Variants in SLC35F4 observed in about 807,000 individuals in gnomAD.
The protein encoded by SLC35F4 is solute carrier family 35 member F4, also known as chromosome 14 open reading frame 36.
Under a neutral mutation model 44.2 loss-of-function variants are expected in SLC35F4, and 24 were observed. The ratio of observed to expected loss-of-function variants is 0.54; its 90% CI spans 0.39 to 0.76. The LOEUF (loss-of-function observed/expected upper bound fraction) is 0.76, where lower values mean the gene tolerates loss of function less well. Ranked by LOEUF, SLC35F4 falls within the 30% of genes least tolerant of loss-of-function variation. SLC35F4 has a pLI of 0.00. For missense variants in SLC35F4, 562 were observed against 586.1 expected, an observed-to-expected ratio of 0.96 and a Z score of 0.42; for synonymous variants, 238 against 223.6, an observed-to-expected ratio of 1.06 and a Z score of -0.57.
intron 6 of SLC35F4, among the ~76,000 whole-genome samples, chr14:57,568,318 A>G (rs918484737): frequency 5.3e-5 from 8 of 152,216 alleles, no homozygotes; most frequent in African/African-American, 1.2e-4. Flanking sequence ...CAAGGAGTAT[A>G]TGTTGGTGGA....
intron 1 of SLC35F4, among the ~76,000 whole-genome samples, chr14:57,771,902 T>C (rs1379501022): frequency 6.6e-6 from 1 of 150,920 alleles, no homozygotes; most frequent in South Asian, 2.1e-4. Context: ...TCTGAATACT[T>C]TTTTTTTTAA....
chr14:57,924,697 T>C (rs1284065204), intron 1 of SLC35F4, among the ~76,000 whole-genome samples: 1 of 152,150 alleles, frequency 6.6e-6, no homozygotes, highest in African/African-American at 2.4e-5. Flanking sequence ...TCTGCCCGCC[T>C]CAGCCTCCCA....
chr14:57,600,215 C>T (rs1471236546), intron 1 of SLC35F4, among the ~76,000 whole-genome samples: 4 of 152,130 alleles, frequency 2.6e-5, no homozygotes, highest in Non-Finnish European at 5.9e-5. Context: ...AAAACTAGCG[C>T]TATTTTCAAC....
intron 3 of SLC35F4, among the ~76,000 whole-genome samples, chr14:57,582,973 G>A (rs7155581): frequency 0.12 from 18,582 of 152,118 alleles, 1,405 homozygotes; most frequent in East Asian, 0.41. Context: ...GCAGGTCACC[G>A]GTTCCAGGAA....
chr14:57,858,918 G>A (rs1887406314), intron 1 of SLC35F4, among the ~76,000 whole-genome samples: 1 of 144,992 alleles, frequency 6.9e-6, no homozygotes, highest in African/African-American at 2.6e-5. Context: ...GGGCAACATA[G>A]CAAAACCTGA....
At chr14:57,711,538 C>A (rs551622849) in intron 1 of SLC35F4, among the ~76,000 whole-genome samples, 16 of 152,236 alleles carry the variant, frequency 1.1e-4, no homozygotes, top group Middle Eastern at 3.4e-3. Flanking sequence ...TTTGGCCCAA[C>A]CTAATAGCAA....
intron 1 of SLC35F4, among the ~76,000 whole-genome samples, chr14:57,851,785 C>T (rs1956691): frequency 0.28 from 42,161 of 152,068 alleles, 9,571 homozygotes; most frequent in African/African-American, 0.63. Flanking sequence ...TTAATTATAA[C>T]GCACCAGTGT....
At chr14:57,814,796 A>G (rs773404196) in intron 1 of SLC35F4, among the ~76,000 whole-genome samples, 1 of 152,232 alleles carries the variant, frequency 6.6e-6, no homozygotes, top group Non-Finnish European at 1.5e-5. Flanking sequence ...GCAGAATGTG[A>G]TGCAGCGAAC....
intron 1 of SLC35F4, among the ~76,000 whole-genome samples, chr14:57,920,674 T>A (rs1889423994): frequency 6.6e-6 from 1 of 152,200 alleles, no homozygotes; most frequent in Non-Finnish European, 1.5e-5. Context: ...TTTCTCCCCC[T>A]AACTAATGAG....
chr14:57,865,695 C>A (rs1042781452), intron 1 of SLC35F4, 28 bp downstream of exon 1: 43 of 1,505,212 alleles, frequency 2.9e-5, no homozygotes, highest in Admixed American at 4.2e-5. Context: ...TTCCCCGCCT[C>A]GCGCAGGGCA....
rs142756349 is a variant in SLC35F4 at position 57,980,856 on chromosome 14, T to C, written n.151+1057A>G. Among the ~76,000 whole-genome samples, 789 of 152,358 alleles carry C rather than the reference T, an allele frequency of 5.2e-3. 4 individuals carry two copies. Among genetic ancestry groups the C allele is most frequent in the African/African-American group, 0.018 (753 of 41,576 alleles). ...CTACATGTGGCTAGTGGCTATCATA[T>C]TGGACCATCCAGATATAGAATACTT... is the stretch of plus-strand genomic sequence containing the variant. On this transcript the variant is annotated intron_variant and non_coding_transcript_variant, in intron 1 of 1. Transcript: ENST00000554648.
Position 57,620,066 on chromosome 14 carries a change from T to C in SLC35F4, c.104-25942A>G, listed in dbSNP as rs899600027. 7.2e-5 allele frequency among the ~76,000 whole-genome samples: 11 copies of C among 152,288 alleles called. No homozygotes were observed. In the East Asian group the frequency reaches 1.9e-3, roughly 27 times the overall value. ...GTGAAAAGACCAAATGTGTGTTTGA[T>C]TGGTGTACCTGAAAGTTACGGGGAG... On this transcript the variant is annotated intron_variant, in intron 1 of 7. Transcript: ENST00000556826.
At chr14:57,715,015 A>G (rs1183275845) in intron 1 of SLC35F4, among the ~76,000 whole-genome samples, 1 of 152,198 alleles carries the variant, frequency 6.6e-6, no homozygotes, top group Non-Finnish European at 1.5e-5. Context: ...ACTGAGTAGA[A>G]GGAGCTCTTC....
intron 1 of SLC35F4, among the ~76,000 whole-genome samples, chr14:57,738,314 C>T (rs576835167): frequency 6.6e-6 from 1 of 152,134 alleles, no homozygotes; most frequent in Non-Finnish European, 1.5e-5. Context: ...GAAGAGAAAT[C>T]GCCAATATTA....
chr14:57,674,139 A>C (rs377097326), intron 1 of SLC35F4, among the ~76,000 whole-genome samples: 1 of 152,100 alleles, frequency 6.6e-6, no homozygotes, highest in Admixed American at 6.6e-5. Flanking sequence ...GATTAGAGAA[A>C]TGCAAATTAA....
At chr14:57,601,662 T>C (rs2070833098) in intron 1 of SLC35F4, among the ~76,000 whole-genome samples, 1 of 152,240 alleles carries the variant, frequency 6.6e-6, no homozygotes, top group African/African-American at 2.4e-5. Flanking sequence ...ATAAACATCT[T>C]ATCCCTAAAA....
chr14:57,769,336 T>G (rs916409760), intron 1 of SLC35F4, among the ~76,000 whole-genome samples: 1 of 152,096 alleles, frequency 6.6e-6, no homozygotes, highest in Admixed American at 6.5e-5. Context: ...AGACCTAACG[T>G]GCATGTTTTC....
At chr14:57,712,370 C>T (rs538080724) in intron 1 of SLC35F4, among the ~76,000 whole-genome samples, 118 of 152,328 alleles carry the variant, frequency 7.7e-4, no homozygotes, top group African/African-American at 2.8e-3. Context: ...CACTTTGCTT[C>T]TATCTGGTTT....
chr14:57,644,218 G>C (rs924402968), intron 1 of SLC35F4, among the ~76,000 whole-genome samples: 5 of 152,134 alleles, frequency 3.3e-5, no homozygotes, highest in African/African-American at 1.2e-4. Context: ...GGTTGAACTA[G>C]TTTACAGTCC....
Sources: gnomAD v4.1 joint callset for allele counts (sites outside exome capture counted in the v4.1 genomes callset) on GRCh38, gnomAD v4.1.1 for gene constraint, MANE v1.5 for transcripts, NCBI Gene and HGNC (gene_info 2026-07-23, HGNC 2026-07-21) for gene names.